The following TRPM3 variants were observed in gnomAD, a reference collection of about 807,000 sequenced individuals.
TRPM3 encodes transient receptor potential cation channel subfamily M member 3.
TRPM3 carries 77 observed loss-of-function variants against 181.2 expected under a neutral mutation model. The observed-to-expected ratio is 0.42, with a 90% confidence interval of 0.35 to 0.51. TRPM3 has a LOEUF of 0.51. Among genes scored for constraint, TRPM3 ranks in the 20% least tolerant of loss-of-function variants. The probability of loss-of-function intolerance (pLI) is 0.01; values close to 1 mark genes in which losing one functional copy is unlikely to be tolerated. For synonymous variants in TRPM3, 745 were observed against 796.4 expected, an observed-to-expected ratio of 0.94 and a Z score of 1.09; for missense variants, 1,759 against 2,196.7, an observed-to-expected ratio of 0.80 and a Z score of 3.98.
At chr9:71,329,753 T>C (rs186239080) in intron 1 of TRPM3, among the ~76,000 whole-genome samples, 13 of 152,290 alleles carry the variant, frequency 8.5e-5, no homozygotes, top group Non-Finnish European at 1.6e-4. Flanking sequence ...AGAAAAGAGA[T>C]ATATGCCTGG....
intron 1 of TRPM3, among the ~76,000 whole-genome samples, chr9:71,030,603 C>T (rs1291560825): frequency 1.3e-5 from 2 of 151,698 alleles, no homozygotes; most frequent in Non-Finnish European, 2.9e-5. Flanking sequence ...AAATAACACC[C>T]AGGTATCCTT....
Position 70,530,739 on chromosome 9 carries a change from G to T in TRPM3, c.*5214C>A, listed in dbSNP as rs2040766242. The T allele has an allele frequency of 6.6e-6, 1 of 152,182 alleles. No individual in the cohort carries two copies. Among genetic ancestry groups the T allele is most frequent in the South Asian group, 2.1e-4 (1 of 4,830 alleles). 9.4% of individuals were successfully genotyped at this position (152,182 alleles called of 1,614,324 possible). On this transcript the variant is annotated 3_prime_UTR_variant, in exon 26 of 26. Coordinates refer to ENST00000677713, the MANE Select transcript of TRPM3 (RefSeq NM_001366145.2). ...AATTGCTTTTCCTTAATTGGAACCA[G>T]CCTTTCTTTTGGTTGACTCCAATCT...
chr9:70,700,987 C>A (rs996116273), intron 8 of TRPM3, among the ~76,000 whole-genome samples: 14 of 152,184 alleles, frequency 9.2e-5, no homozygotes, highest in Non-Finnish European at 7.4e-5. Context: ...ATCACATTTA[C>A]CACTTCAGTC....
At chr9:71,403,982 T>C (rs1286770211) in intron 1 of TRPM3, among the ~76,000 whole-genome samples, 1 of 152,180 alleles carries the variant, frequency 6.6e-6, no homozygotes, top group African/African-American at 2.4e-5. Context: ...ATATATTAAA[T>C]TGATATACTG....
chr9:70,617,880 G>A (rs1399548093), intron 17 of TRPM3, among the ~76,000 whole-genome samples: 10 of 152,074 alleles, frequency 6.6e-5, no homozygotes, highest in Admixed American at 3.9e-4. Context: ...TAGGAGAATC[G>A]CTTGAACCTG....
intron 9 of TRPM3, among the ~76,000 whole-genome samples, chr9:70,649,601 T>C (rs1326966447): frequency 1.3e-5 from 2 of 152,156 alleles, no homozygotes; most frequent in Admixed American, 1.3e-4. Flanking sequence ...AGATACTATC[T>C]GAAGCCATTC....
chr9:70,950,649 G>C (rs1310698653), intron 1 of TRPM3, among the ~76,000 whole-genome samples: 1 of 152,140 alleles, frequency 6.6e-6, no homozygotes, highest in Non-Finnish European at 1.5e-5. Flanking sequence ...GAAGCAAATG[G>C]AATTAACCAA....
intron 1 of TRPM3, among the ~76,000 whole-genome samples, chr9:70,971,441 C>T (rs1590187969): frequency 1.3e-5 from 2 of 152,004 alleles, no homozygotes; most frequent in Non-Finnish European, 2.9e-5. Flanking sequence ...CTCTATTCAC[C>T]GCTAGGAACA....
intron 1 of TRPM3, among the ~76,000 whole-genome samples, chr9:71,369,830 C>T (rs116006317): frequency 0.015 from 2,212 of 152,306 alleles, 66 homozygotes; most frequent in African/African-American, 0.05. Context: ...ATGGACAATG[C>T]GCTTCTCACA....
intron 1 of TRPM3, among the ~76,000 whole-genome samples, chr9:71,103,776 C>T (rs191559670): frequency 2.0e-5 from 3 of 152,284 alleles, no homozygotes; most frequent in East Asian, 1.9e-4. Context: ...ACGCATAGCA[C>T]GTACCTGGAA....
At chr9:70,637,802 C>A (rs1477205467) in intron 11 of TRPM3, among the ~76,000 whole-genome samples, 1 of 152,010 alleles carries the variant, frequency 6.6e-6, no homozygotes, top group Non-Finnish European at 1.5e-5. Context: ...AGCTTGGGTT[C>A]GGTACTTACT....
At chr9:71,226,497 CA>C (rs1276306330) in intron 1 of TRPM3, among the ~76,000 whole-genome samples, 2 of 151,778 alleles carry the variant, frequency 1.3e-5, no homozygotes. Flanking sequence ...ATATCCTATG[CA>C]AATGGAAACC....
At chr9:71,424,727 G>T (rs1563917339) in intron 1 of TRPM3, among the ~76,000 whole-genome samples, 1 of 151,966 alleles carries the variant, frequency 6.6e-6, no homozygotes. Flanking sequence ...ATTTCTTTCA[G>T]TTCAGAAACA....
At chr9:70,787,760 ATTCTT>A (rs1272974273) in intron 6 of TRPM3, among the ~76,000 whole-genome samples, 2 of 34,316 alleles carry the variant, frequency 5.8e-5, no homozygotes, top group African/African-American at 1.2e-4. Flanking sequence ...GACTTTTTGG[ATTCTT>A]TTTTTTTTTT....
intron 1 of TRPM3, among the ~76,000 whole-genome samples, chr9:71,131,555 G>A (rs1158832702): frequency 6.6e-6 from 1 of 152,196 alleles, no homozygotes; most frequent in African/African-American, 2.4e-5. Flanking sequence ...TGAAGAATGA[G>A]TGAACTAGCC....
intron 1 of TRPM3, among the ~76,000 whole-genome samples, chr9:71,024,923 C>G (rs1003577564): frequency 6.6e-6 from 1 of 152,118 alleles, no homozygotes; most frequent in Admixed American, 6.5e-5. Flanking sequence ...AGGGAAGGAG[C>G]ACAGTAGTGT....
intron 1 of TRPM3, among the ~76,000 whole-genome samples, chr9:71,396,331 G>A (rs959416638): frequency 1.1e-4 from 16 of 149,038 alleles, no homozygotes; most frequent in South Asian, 6.3e-4. Flanking sequence ...CTTAATTAAT[G>A]TGCAAAGAGT....
intron 1 of TRPM3, among the ~76,000 whole-genome samples, chr9:71,277,347 A>G (rs546388127): frequency 1.3e-5 from 2 of 152,318 alleles, no homozygotes; most frequent in South Asian, 2.1e-4. Context: ...TCTGCATTTC[A>G]TCATTATTCT....
chr9:70,921,338 G>C (rs1375185691), intron 1 of TRPM3, among the ~76,000 whole-genome samples: 2 of 152,218 alleles, frequency 1.3e-5, no homozygotes, highest in Non-Finnish European at 2.9e-5. Flanking sequence ...TCTCGGCTTT[G>C]CTGAGGCCTA....
Sources: allele counts gnomAD v4.1 joint callset (sites outside exome capture counted in the v4.1 genomes callset), GRCh38; gene constraint gnomAD v4.1.1; transcripts MANE v1.5; gene names NCBI Gene and HGNC (gene_info 2026-07-23, HGNC 2026-07-21).